SEC22C: variants seen among roughly 807,000 people sequenced by gnomAD.
SEC22C encodes the protein vesicle-trafficking protein SEC22c.
In SEC22C, 29 loss-of-function variants were observed where a neutral mutation model predicts 34.7. The observed-to-expected ratio is 0.84, with a 90% CI of 0.62 to 1.14. SEC22C has a LOEUF of 1.14. SEC22C is among the 50% of genes most tolerant of loss of function. The pLI, the probability that SEC22C is intolerant of heterozygous loss-of-function variation, is 0.00. For missense variants in SEC22C, 337 were observed against 369.0 expected (o/e 0.91, Z 0.71); for synonymous variants, 117 against 132.8 (o/e 0.88, Z 0.82).
At chr3:42,580,944 A>G (rs1704299988) in intron 1 of SEC22C, among the ~76,000 whole-genome samples, 1 of 152,208 alleles carries the variant, frequency 6.6e-6, no homozygotes, top group African/African-American at 2.4e-5. Flanking sequence ...CTCTATGATC[A>G]TGTTACTTTT....
chr3:42,600,706 G>A, intron 1 of SEC22C: 2 of 254,304 alleles, frequency 7.9e-6, no homozygotes, highest in Non-Finnish European at 7.5e-6. Context: ...CGTTAGCGGC[G>A]TTGGGGTTTG....
chr3:42,565,731 G>A (rs1245531377), intron 2 of SEC22C: 1 of 342,772 alleles, frequency 2.9e-6, no homozygotes, highest in East Asian at 9.1e-5. Context: ...GGTTTAGGAA[G>A]GATTCTTCCT....
chr3:42,561,237 A>C lies in SEC22C; in HGVS notation c.406T>G (p.Cys136Gly). 6.2e-7 allele frequency: 1 copy of C among 1,614,154 alleles called. No individual in the cohort carries two copies. The change falls in exon 4 of 7, where the codon TGC becomes GGC. Residue 136 changes from cysteine to glycine, a missense_variant. Physicochemically the swap from Cys to Gly is radical, Grantham distance 159. Coordinates refer to ENST00000264454, the MANE Select transcript of SEC22C (RefSeq NM_032970.4). ...TCCTCCTGAATTTTTTCCAAGCTGC[A>C]CTCCATCTGAGAGGAACTTACATAG... The part of the protein sequence containing the change: ...FNYVSSSQME[C>G]SLEKIQEELK...
intron 2 of SEC22C, 94 bp from the exon 3 acceptor site, chr3:42,563,780 G>A: frequency 6.3e-7 from 1 of 1,579,540 alleles, no homozygotes; most frequent in Non-Finnish European, 8.6e-7. Context: ...TTCTGCACTT[G>A]CTTGGCTTTA....
At chr3:42,554,560 G>C (rs959826186) in intron 6 of SEC22C, among the ~76,000 whole-genome samples, 1 of 151,902 alleles carries the variant, frequency 6.6e-6, no homozygotes, top group African/African-American at 2.4e-5. Context: ...GGCTGGTCTT[G>C]AACTCCTGGC....
In SEC22C at chr3:42,548,777, T is replaced by C. The variant is rs142647939; in HGVS notation, c.*4471A>G. 242 of 1,543,606 alleles carry C rather than the reference T, an allele frequency of 1.6e-4. 4 individuals are homozygous for C. In the East Asian group the frequency reaches 3.6e-3, roughly 23 times the overall value. On this transcript the variant is annotated 3_prime_UTR_variant, in exon 7 of 7. Transcript: ENST00000264454. ...GGAGTGAAAAAAATGAGGTTTACAC[T>C]GTAGTATAACAAAATGCCTTTTTGT...
chr3:42,559,837 G>A (rs1702762556), intron 4 of SEC22C, among the ~76,000 whole-genome samples: 1 of 152,012 alleles, frequency 6.6e-6, no homozygotes, highest in South Asian at 2.1e-4. Context: ...GCATTGAGTG[G>A]CTAATAACAT....
intron 1 of SEC22C, 143 bp from the exon 2 acceptor site, chr3:42,569,216 C>T (rs1431080014): frequency 4.8e-6 from 3 of 622,660 alleles, no homozygotes; most frequent in East Asian, 5.5e-5. Context: ...ATTTCCCTGG[C>T]CTCTACTGCT....
chr3:42,569,601 T>C (rs1426108383), intron 1 of SEC22C, among the ~76,000 whole-genome samples: 1 of 152,222 alleles, frequency 6.6e-6, no homozygotes, highest in Non-Finnish European at 1.5e-5. Context: ...TCTAACCTAA[T>C]GCTGGTGACA....
chr3:42,559,144 T>C (rs990493834), intron 4 of SEC22C, among the ~76,000 whole-genome samples: 4 of 152,230 alleles, frequency 2.6e-5, no homozygotes, highest in Non-Finnish European at 5.9e-5. Flanking sequence ...GTCCCTCCCA[T>C]TCTCTCGCTA....
intron 1 of SEC22C, among the ~76,000 whole-genome samples, chr3:42,598,951 A>G (rs1705140184): frequency 7.2e-6 from 1 of 139,822 alleles, no homozygotes; most frequent in African/African-American, 2.8e-5. Context: ...ATATCTGTAG[A>G]TCTATAGATC....
At chr3:42,586,316 G>A (rs769254980), upstream of SEC22C, among the ~76,000 whole-genome samples, 4 of 152,106 alleles carry the variant, frequency 2.6e-5, no homozygotes, top group Non-Finnish European at 4.4e-5. Flanking sequence ...TCTGCCTGCC[G>A]GATTCAAGTG....
At chr3:42,593,382 A>G (rs1704922417) in intron 1 of SEC22C, among the ~76,000 whole-genome samples, 1 of 152,188 alleles carries the variant, frequency 6.6e-6, no homozygotes. Context: ...ACGCCACTGC[A>G]CTCTAGCCTG....
intron 1 of SEC22C, among the ~76,000 whole-genome samples, chr3:42,591,776 C>A (rs1371731511): frequency 2.0e-5 from 3 of 152,168 alleles, no homozygotes; most frequent in Non-Finnish European, 4.4e-5. Flanking sequence ...ACAACGAGTA[C>A]ACTGCGGAGC....
chr3:42,573,736 T>TG (rs1373645249), intron 1 of SEC22C, among the ~76,000 whole-genome samples: 1 of 151,748 alleles, frequency 6.6e-6, no homozygotes. Flanking sequence ...AATAGAAATA[T>TG]GGGGGGGAGG....
At chr3:42,589,542 CAGG>C (rs1421494794) in intron 1 of SEC22C, among the ~76,000 whole-genome samples, 1 of 152,190 alleles carries the variant, frequency 6.6e-6, no homozygotes, top group African/African-American at 2.4e-5. Flanking sequence ...TACCGCATAG[CAGG>C]AGGTGAGCAG....
At chr3:42,589,932 C>G (rs1704758436) in intron 1 of SEC22C, among the ~76,000 whole-genome samples, 2 of 152,300 alleles carry the variant, frequency 1.3e-5, no homozygotes, top group South Asian at 4.1e-4. Flanking sequence ...GGCACAACAC[C>G]TTTGCGGTAT....
chr3:42,599,679 G>C (rs980263640), intron 1 of SEC22C, among the ~76,000 whole-genome samples: 1 of 149,762 alleles, frequency 6.7e-6, no homozygotes, highest in South Asian at 2.1e-4. Flanking sequence ...GCGACAGAGC[G>C]AGACTCCGTC....
intron 4 of SEC22C, among the ~76,000 whole-genome samples, chr3:42,560,188 T>C (rs1456333812): frequency 6.9e-6 from 1 of 145,738 alleles, no homozygotes; most frequent in Non-Finnish European, 1.5e-5. Context: ...ATAATATATA[T>C]ATTATATATA....
Sources: gnomAD v4.1 joint callset for allele counts (sites outside exome capture counted in the v4.1 genomes callset) on GRCh38, gnomAD v4.1.1 for gene constraint, MANE v1.5 for transcripts, NCBI Gene and HGNC (gene_info 2026-07-23, HGNC 2026-07-21) for gene names.